The following ULK4 variants were observed in gnomAD, a reference collection of about 807,000 sequenced individuals.
The protein encoded by ULK4 is inactive serine/threonine-protein kinase ULK4.
A neutral mutation model predicts 160.6 loss-of-function variants in ULK4; 133 were observed. The observed-to-expected ratio is 0.83, with a 90% CI of 0.72 to 0.96. The LOEUF is 0.96. Among genes scored for constraint, ULK4 ranks in the 40% least tolerant of loss-of-function variants. The probability of loss-of-function intolerance (pLI) is 0.00; values close to 1 mark genes in which losing one functional copy is unlikely to be tolerated. For missense variants in ULK4, 1,580 were observed against 1,499.5 expected (o/e 1.05, Z -0.89); for synonymous variants, 534 against 539.8 (o/e 0.99, Z 0.15).
rs1021321379 is a variant in ULK4, at chr3:41,626,376, A to T, written c.3072-10659T>A. On this transcript the variant is annotated intron_variant, in intron 30 of 36. Transcript: ENST00000301831. ...TTTAAATAAACTATGTATTTAAATT[A>T]GGATAATTATTTAGTTGAGATTCAT... 5.3e-5 allele frequency among the ~76,000 whole-genome samples: 8 copies of T among 152,332 alleles called. No homozygotes were observed. The East Asian group carries it at 9.6e-4, about 18-fold the overall frequency.
intron 7 of ULK4, among the ~76,000 whole-genome samples, chr3:41,916,836 T>C (rs906783011): frequency 3.3e-5 from 5 of 151,618 alleles, no homozygotes; most frequent in Non-Finnish European, 5.9e-5. Context: ...GCCTCCCAAG[T>C]AGCTCGGATT....
At position 41,681,516 on chromosome 3, in the gene ULK4, T is replaced by C. The variant is rs1285585883; in HGVS notation, c.2970A>G (p.Leu990=). ...AACTGCATGATACTTACTGGGGAAG[T>C]AAGACATCTCGAATGAGAGCCAGAA... ...SNLLALIRDV[L]LPQYEHILLE... The change falls in exon 29 of 37, where the codon TTA becomes TTG. Residue 990 remains leucine (L), a synonymous_variant. Transcript: ENST00000301831. 1 of 1,613,992 alleles carries C rather than the reference T, an allele frequency of 6.2e-7. No individual in the cohort carries two copies. Among genetic ancestry groups the C allele is most frequent in the East Asian group, 2.2e-5 (1 of 44,870 alleles).
intron 32 of ULK4, among the ~76,000 whole-genome samples, chr3:41,560,110 T>A (rs1183198356): frequency 6.6e-6 from 1 of 152,222 alleles, no homozygotes; most frequent in African/African-American, 2.4e-5. Context: ...CCAGCACCAT[T>A]TATTAAATAG....
chr3:41,556,487 C>T (rs866102349), intron 32 of ULK4, among the ~76,000 whole-genome samples: 3 of 117,082 alleles, frequency 2.6e-5, no homozygotes, highest in Non-Finnish European at 4.9e-5. Context: ...CTCTACCAAA[C>T]TTTTTTTTTT....
chr3:41,565,656 G>A (rs933729285), intron 32 of ULK4, among the ~76,000 whole-genome samples: 11 of 152,028 alleles, frequency 7.2e-5, no homozygotes, highest in Admixed American at 1.3e-4. Flanking sequence ...CCTCAATCTT[G>A]GACTTCTCAG....
chr3:41,883,280 T>C (rs75304351), intron 17 of ULK4, among the ~76,000 whole-genome samples: 14,051 of 152,150 alleles, frequency 0.092, 1,589 homozygotes, highest in African/African-American at 0.27. Flanking sequence ...AAGCCCCAAA[T>C]ACCACACAAC....
chr3:41,405,551 G>A (rs1283637274), intron 34 of ULK4, among the ~76,000 whole-genome samples: 1 of 152,064 alleles, frequency 6.6e-6, no homozygotes, highest in East Asian at 1.9e-4. Context: ...TTCTCCAAAT[G>A]GCTTTCCACA....
intron 31 of ULK4, among the ~76,000 whole-genome samples, chr3:41,574,187 C>G (rs574898814): frequency 1.3e-5 from 2 of 152,084 alleles, no homozygotes; most frequent in African/African-American, 4.8e-5. Flanking sequence ...CTCAAAAAAA[C>G]AAACAAACAA....
chr3:41,769,757 A>G (rs945395125), intron 21 of ULK4, among the ~76,000 whole-genome samples: 1 of 152,336 alleles, frequency 6.6e-6, no homozygotes, highest in East Asian at 1.9e-4. Flanking sequence ...ATAATGGTAA[A>G]ATATTCCTCT....
At chr3:41,303,066 C>T (rs2079831112) in intron 35 of ULK4, among the ~76,000 whole-genome samples, 1 of 152,136 alleles carries the variant, frequency 6.6e-6, no homozygotes, top group Non-Finnish European at 1.5e-5. Flanking sequence ...CATGAAATGT[C>T]AAGCATTCGA....
chr3:41,793,190 A>C (rs868710441), intron 20 of ULK4, among the ~76,000 whole-genome samples: 2 of 151,128 alleles, frequency 1.3e-5, no homozygotes, highest in Non-Finnish European at 3.0e-5. Flanking sequence ...AAAACCAACA[A>C]AAAAAAAATA....
Position 41,404,421 on chromosome 3 carries a change from T to G in ULK4, c.3493-6157A>C, listed in dbSNP as rs181828162. 2.0e-5 allele frequency among the ~76,000 whole-genome samples: 3 copies of G among 152,294 alleles called. No homozygotes were observed. In the East Asian group the frequency reaches 5.8e-4, roughly 29 times the overall value. On this transcript the variant is annotated intron_variant, in intron 34 of 36. Coordinates refer to ENST00000301831, the MANE Select transcript of ULK4 (RefSeq NM_017886.4). ...ATAACCACTCCTGCTTTTAAAAATATTTTCATGATATACATTTTTCTTCCT... is the reference window on the plus strand; with the variant it reads ...ATAACCACTCCTGCTTTTAAAAATAGTTTCATGATATACATTTTTCTTCCT...
chr3:41,757,727 G>A (rs1459910876), intron 21 of ULK4, among the ~76,000 whole-genome samples: 1 of 151,436 alleles, frequency 6.6e-6, no homozygotes, highest in Non-Finnish European at 1.5e-5. Context: ...TCCCCTTCCT[G>A]GGTTCAAGTG....
chr3:41,729,851 C>T (rs919154347), intron 22 of ULK4, among the ~76,000 whole-genome samples: 10 of 152,186 alleles, frequency 6.6e-5, no homozygotes, highest in South Asian at 2.1e-4. Context: ...GCTGAAACAA[C>T]GGCACAAAGT....
intron 35 of ULK4, among the ~76,000 whole-genome samples, chr3:41,262,445 G>A (rs2125678011): frequency 6.6e-6 from 1 of 152,284 alleles, no homozygotes; most frequent in Admixed American, 6.5e-5. Flanking sequence ...TGATCAAAGG[G>A]CACACTTTGG....
At chr3:41,929,817 T>C (rs1413703964) in intron 5 of ULK4, among the ~76,000 whole-genome samples, 1 of 151,860 alleles carries the variant, frequency 6.6e-6, no homozygotes, top group Non-Finnish European at 1.5e-5. Context: ...ACTACAAACC[T>C]CTGCTCAAAG....
chr3:41,516,304 A>G (rs1013362779), intron 32 of ULK4, among the ~76,000 whole-genome samples: 2 of 152,194 alleles, frequency 1.3e-5, no homozygotes, highest in African/African-American at 4.8e-5. Flanking sequence ...AGCAGAGTCA[A>G]TACTGTACTT....
chr3:41,658,678 G>A (rs2035028555), intron 30 of ULK4, among the ~76,000 whole-genome samples: 2 of 150,966 alleles, frequency 1.3e-5, no homozygotes, highest in African/African-American at 4.9e-5. Context: ...ATTTTTAAAA[G>A]AGGTCCAGAA....
chr3:41,272,154 T>C (rs781330195), intron 35 of ULK4, among the ~76,000 whole-genome samples: 1 of 152,080 alleles, frequency 6.6e-6, no homozygotes, highest in Non-Finnish European at 1.5e-5. Flanking sequence ...TGACCTCAAG[T>C]GATCCACCTG....
Sources: gnomAD v4.1 joint callset for allele counts (sites outside exome capture counted in the v4.1 genomes callset) on GRCh38, gnomAD v4.1.1 for gene constraint, MANE v1.5 for transcripts, NCBI Gene and HGNC (gene_info 2026-07-23, HGNC 2026-07-21) for gene names.